CELF2: variants seen among roughly 807,000 people sequenced by gnomAD.
CELF2 encodes the protein CUGBP Elav-like family member 2.
Under a neutral mutation model 62.6 loss-of-function variants are expected in CELF2, and 8 were observed. That is an observed-to-expected ratio of 0.13 (90% CI 0.07 to 0.23). The LOEUF is 0.23. Ranked by LOEUF, CELF2 falls within the 10% of genes least tolerant of loss-of-function variation. The pLI, the probability that CELF2 is intolerant of heterozygous loss-of-function variation, is 1.00. For synonymous variants in CELF2, 258 were observed against 250.0 expected (o/e 1.03, Z -0.30); for missense variants, 333 against 671.0 (o/e 0.50, Z 5.56).
At chr10:10,603,288 A>G in the CELF2 span, among the ~76,000 whole-genome samples, 2 of 152,106 alleles carry the variant, frequency 1.3e-5, no homozygotes, top group Admixed American at 6.5e-5. Flanking sequence ...GAAGGCCCAA[A>G]ATAGCTCCAT....
At chr10:11,056,855 T>C (rs1305322974) in intron 1 of CELF2, among the ~76,000 whole-genome samples, 3 of 152,202 alleles carry the variant, frequency 2.0e-5, no homozygotes, top group Non-Finnish European at 2.9e-5. Context: ...TGAAAACTTA[T>C]GCCAGAAAAA....
At chr10:10,590,512 C>T in the CELF2 span, among the ~76,000 whole-genome samples, 20 of 152,302 alleles carry the variant, frequency 1.3e-4, no homozygotes, top group South Asian at 2.1e-4. Flanking sequence ...TAATCAAAGA[C>T]GGAATCACAC....
chr10:11,329,128 G>C lies in CELF2; in HGVS notation c.*75G>C, dbSNP rs2095911135. 1 of 1,482,676 alleles carries C rather than the reference G, an allele frequency of 6.7e-7. No homozygotes were observed. The highest frequency in any genetic ancestry group is 1.3e-5 in the South Asian group (1 of 74,696). The allele number at this position is 1,482,676 out of a possible 1,614,324, so 91.8% of individuals were successfully genotyped here. On this transcript the variant is annotated 3_prime_UTR_variant, in exon 13 of 13. Coordinates refer to ENST00000633077, the MANE Select transcript of CELF2 (RefSeq NM_001326342.2). This position sits in a 1 kb window ranked among gnomAD's most constrained non-coding sequence, Gnocchi z 5.5. The stretch of plus-strand genomic sequence containing the variant: ...TCCCACGAGCCAGCCTGTCTCAACA[G>C]GGAAGGCAGAGGAGGACCACATTGC...
At chr10:10,748,427 G>C in the CELF2 span, among the ~76,000 whole-genome samples, 1 of 152,098 alleles carries the variant, frequency 6.6e-6, no homozygotes, top group Non-Finnish European at 1.5e-5. Flanking sequence ...CAGGAGAGGA[G>C]AGGCAGGATC....
At chr10:11,320,717 A>G in intron 10 of CELF2, 1 of 876,430 alleles carries the variant, frequency 1.1e-6, no homozygotes, top group Non-Finnish European at 1.7e-6. Flanking sequence ...AAGGGAAAAA[A>G]GTTTTATTTC....
At chr10:10,914,999 GCATGTGC>G in intron 1 of CELF2, among the ~76,000 whole-genome samples, 1 of 152,102 alleles carries the variant, frequency 6.6e-6, no homozygotes, top group African/African-American at 2.4e-5. Context: ...GGGTGTGGTG[GCATGTGC>G]CTGTAATCCC....
chr10:10,710,129 A>C, the CELF2 span, among the ~76,000 whole-genome samples: 4 of 152,228 alleles, frequency 2.6e-5, no homozygotes, highest in African/African-American at 9.6e-5. Context: ...GCCACTTTGC[A>C]AGGACTCAAA....
rs1187200488 is a variant in CELF2 at position 11,331,488 on chromosome 10, T to G, written c.*2435T>G. The G allele has an allele frequency of 6.6e-6, 1 of 152,012 alleles. No homozygotes were observed. The highest frequency in any genetic ancestry group is 2.4e-5 in the African/African-American group (1 of 41,286). 9.4% of individuals were successfully genotyped at this position (152,012 alleles called of 1,614,324 possible). A position where few individuals can be genotyped will look rare whatever the true frequency, so the allele number is the denominator to read the frequency against. On this transcript the variant is annotated 3_prime_UTR_variant, in exon 13 of 13. Coordinates refer to ENST00000633077, the MANE Select transcript of CELF2 (RefSeq NM_001326342.2). ...TTCTTTTAAAGAAAAAAAGTGAAAA[T>G]ATATAGTGCCAAATTCCAAAGGTAC...
rs1354825890 is a variant in CELF2, at chr10:11,305,805, A to T, written c.977-8334A>T. On this transcript the variant is annotated intron_variant, in intron 9 of 12. Coordinates refer to ENST00000633077, the MANE Select transcript of CELF2 (RefSeq NM_001326342.2). The surrounding 1 kb of genome is among the most constrained non-coding windows in gnomAD (Gnocchi z 4.8). ...GGGATTACTCAATTTGTAGTTTTCC[A>T]ACAGTGAGCTTATCTGGGCAAACAA... Among the ~76,000 whole-genome samples, 1 of 152,246 alleles carries T rather than the reference A, an allele frequency of 6.6e-6. No homozygotes were observed. The highest frequency in any genetic ancestry group is 6.5e-5 in the Admixed American group (1 of 15,288).
chr10:11,207,726 G>A lies in CELF2; in HGVS notation c.272-9699G>A, dbSNP rs1204575718. On this transcript the variant is annotated intron_variant, in intron 2 of 12. Coordinates refer to ENST00000633077, the MANE Select transcript of CELF2 (RefSeq NM_001326342.2). This position sits in a 1 kb window ranked among gnomAD's most constrained non-coding sequence, Gnocchi z 4.1. ...GGCAGCATCGCCCGTCAGCTTCCTA[G>A]GCAGTGGCCAGATGGTGATACCGCT... Among the ~76,000 whole-genome samples the A allele has an allele frequency of 6.6e-6, 1 of 152,212 alleles. No homozygotes were observed. Among genetic ancestry groups the A allele is most frequent in the African/African-American group, 2.4e-5 (1 of 41,460 alleles).
Position 11,266,599 on chromosome 10 carries a change from C to A in CELF2, c.540C>A (p.Gly180=). The A allele has an allele frequency of 6.2e-7, 1 of 1,613,608 alleles. No homozygotes were observed. Among genetic ancestry groups the A allele is most frequent in the Non-Finnish European group, 8.5e-7 (1 of 1,179,528 alleles). Residue 180 remains glycine, a splice_region_variant and synonymous_variant, in exon 6 of 13, where the codon GGC becomes GGA. Coordinates refer to ENST00000633077, the MANE Select transcript of CELF2 (RefSeq NM_001326342.2). ...ILRGPDGLSR[G]CAFVTFSTRA... ...TCCCTGTCCCCTTGTTTCCCACAGG[C>A]TGTGCGTTTGTCACATTTTCTACAA...
upstream of CELF2, among the ~76,000 whole-genome samples, chr10:11,001,814 C>T (rs2137006874): frequency 6.6e-6 from 1 of 152,032 alleles, no homozygotes; most frequent in South Asian, 2.1e-4. Flanking sequence ...CCCTACCAAC[C>T]AAATATAGTA....
the CELF2 span, among the ~76,000 whole-genome samples, chr10:10,482,853 T>C: frequency 3.9e-5 from 6 of 152,292 alleles, no homozygotes; most frequent in Non-Finnish European, 7.3e-5. Context: ...TGCCAGGTAC[T>C]GGATGACAAA....
Position 11,165,411 on chromosome 10 carries a change from C to T in CELF2, c.75-75C>T, listed in dbSNP as rs187403534. On this transcript the variant is annotated intron_variant, in intron 1 of 12. Transcript: ENST00000633077. This position sits in a 1 kb window ranked among gnomAD's most constrained non-coding sequence, Gnocchi z 7.4. The stretch of plus-strand genomic sequence containing the variant: ...CCTCCTCCTTCCGCCTCCCCGCTCC[C>T]CCACCCCCACTATTTTTTCTTCCTG... The T allele has an allele frequency of 4.5e-6, 7 of 1,549,464 alleles. No individual in the cohort carries two copies. In the East Asian group the frequency reaches 1.6e-4, roughly 35 times the overall value.
At chr10:10,615,944 T>C in the CELF2 span, among the ~76,000 whole-genome samples, 1 of 152,148 alleles carries the variant, frequency 6.6e-6, no homozygotes, top group Non-Finnish European at 1.5e-5. Context: ...AGCTATGATA[T>C]ACATTATCAA....
At chr10:10,913,379 CTTTTTTTTTTTTT>C in intron 1 of CELF2, among the ~76,000 whole-genome samples, 1 of 57,360 alleles carries the variant, frequency 1.7e-5, no homozygotes, top group South Asian at 9.5e-4. Flanking sequence ...GTAATGATGT[CTTTTTTTTTTTTT>C]TTTTTTTTTT....
chr10:10,536,377 C>T, the CELF2 span, among the ~76,000 whole-genome samples: 8 of 152,308 alleles, frequency 5.3e-5, no homozygotes, highest in Non-Finnish European at 1.2e-4. Context: ...TCCACAAACA[C>T]AGTTTGATAT....
chr10:10,864,697 A>T (rs745691118), intron 1 of CELF2, among the ~76,000 whole-genome samples: 30 of 151,832 alleles, frequency 2.0e-4, no homozygotes, highest in Non-Finnish European at 4.1e-4. Context: ...AAACCTAATC[A>T]CCTCTCAAAG....
chr10:10,793,048 GACACA>G, the CELF2 span, among the ~76,000 whole-genome samples: 1 of 152,194 alleles, frequency 6.6e-6, no homozygotes, highest in African/African-American at 2.4e-5. Flanking sequence ...GAAAATGTCA[GACACA>G]TACGTGGACC....
Sources: gnomAD v4.1 joint callset for allele counts (sites outside exome capture counted in the v4.1 genomes callset) on GRCh38, gnomAD v4.1.1 for gene constraint, Gnocchi (gnomAD v3.1) non-coding constraint, MANE v1.5 for transcripts, NCBI Gene and HGNC (gene_info 2026-07-23, HGNC 2026-07-21) for gene names.